Variants in BICC1 observed in about 807,000 individuals in gnomAD.
BICC1 encodes the protein protein bicaudal C homolog 1.
A neutral mutation model predicts 111.0 loss-of-function variants in BICC1; 43 were observed. The observed-to-expected ratio is 0.39, with a 90% CI of 0.30 to 0.50. The LOEUF is 0.50. Ranked by LOEUF, BICC1 falls within the 20% of genes least tolerant of loss-of-function variation. The pLI is 0.88. For synonymous variants in BICC1, 467 were observed against 434.4 expected (o/e 1.07, Z -0.93); for missense variants, 1,091 against 1,203.2 (o/e 0.91, Z 1.38).
intron 1 of BICC1, among the ~76,000 whole-genome samples, chr10:58,541,012 T>C (rs1438250851): frequency 6.6e-6 from 1 of 152,036 alleles, no homozygotes; most frequent in African/African-American, 2.4e-5. Context: ...CACCCTTTCA[T>C]GACAAAACAC....
intron 3 of BICC1, among the ~76,000 whole-genome samples, chr10:58,745,036 C>T (rs1301674062): frequency 6.6e-6 from 1 of 152,156 alleles, no homozygotes; most frequent in Non-Finnish European, 1.5e-5. Context: ...TGTTATGACC[C>T]TGTTCTGCTA....
At chr10:58,560,919 T>A (rs1843586583) in intron 1 of BICC1, among the ~76,000 whole-genome samples, 1 of 152,060 alleles carries the variant, frequency 6.6e-6, no homozygotes, top group African/African-American at 2.4e-5. Context: ...TTTCAATTTT[T>A]AAAAATAGGT....
chr10:58,697,710 TCCA>T (rs1484458922), intron 2 of BICC1, among the ~76,000 whole-genome samples: 3 of 152,150 alleles, frequency 2.0e-5, no homozygotes, highest in Non-Finnish European at 4.4e-5. Context: ...TGCCCTTTCT[TCCA>T]CCCCATGCCA....
chr10:58,817,829 T>C (rs897619446), intron 19 of BICC1, 107 bp downstream of exon 19: 1 of 1,140,332 alleles, frequency 8.8e-7, no homozygotes, highest in African/African-American at 1.6e-5. Flanking sequence ...ACTGAGCATT[T>C]ATTCAAGTCT....
chr10:58,691,136 T>C (rs1210488675), intron 2 of BICC1, among the ~76,000 whole-genome samples: 5 of 152,198 alleles, frequency 3.3e-5, no homozygotes, highest in African/African-American at 1.2e-4. Context: ...TTATTGTTTT[T>C]TTCCTGAGAA....
intron 2 of BICC1, among the ~76,000 whole-genome samples, chr10:58,647,502 A>G (rs1838304701): frequency 6.6e-6 from 1 of 152,220 alleles, no homozygotes. Context: ...AATGCTACTT[A>G]TCTGGAATCC....
intron 2 of BICC1, among the ~76,000 whole-genome samples, chr10:58,687,248 G>A (rs10763579): frequency 0.97 from 147,392 of 152,286 alleles, 71,519 homozygotes; most frequent in Middle Eastern, 1. Context: ...TGTCTCAGAG[G>A]GGCACCCGGC....
chr10:58,792,579 T>C (rs112694015), intron 8 of BICC1, among the ~76,000 whole-genome samples: 1 of 152,130 alleles, frequency 6.6e-6, no homozygotes, highest in African/African-American at 2.4e-5. Flanking sequence ...AAGATTCTCA[T>C]AGGGGCATGA....
chr10:58,642,832 G>A (rs1838164087), intron 2 of BICC1, among the ~76,000 whole-genome samples: 1 of 152,048 alleles, frequency 6.6e-6, no homozygotes, highest in Admixed American at 6.5e-5. Flanking sequence ...AGCCTCCTGA[G>A]TAGCTGGGAC....
At chr10:58,719,070 G>A (rs941333753) in intron 3 of BICC1, among the ~76,000 whole-genome samples, 1 of 151,906 alleles carries the variant, frequency 6.6e-6, no homozygotes, top group African/African-American at 2.4e-5. Context: ...TTTCTACTTT[G>A]TCTCCATTTC....
chr10:58,754,585 A>G (rs1011178820), intron 3 of BICC1, among the ~76,000 whole-genome samples: 3 of 152,274 alleles, frequency 2.0e-5, no homozygotes, highest in Admixed American at 1.3e-4. Context: ...AAGGTTGGCA[A>G]CCTTTGCTCA....
At chr10:58,627,874 A>G (rs1011375081) in intron 2 of BICC1, among the ~76,000 whole-genome samples, 2 of 152,228 alleles carry the variant, frequency 1.3e-5, no homozygotes, top group African/African-American at 4.8e-5. Flanking sequence ...AAAATTAAAA[A>G]TAACCTAAGT....
At chr10:58,561,239 T>C (rs1352600269) in intron 1 of BICC1, among the ~76,000 whole-genome samples, 1 of 152,070 alleles carries the variant, frequency 6.6e-6, no homozygotes, top group East Asian at 1.9e-4. Context: ...CAGTGCTGGG[T>C]GCATATATTT....
chr10:58,583,007 C>T (rs1358606495), intron 1 of BICC1, among the ~76,000 whole-genome samples: 1 of 152,158 alleles, frequency 6.6e-6, no homozygotes, highest in Non-Finnish European at 1.5e-5. Flanking sequence ...ATTCTGCCTA[C>T]CACATGGCTT....
intron 2 of BICC1, among the ~76,000 whole-genome samples, chr10:58,686,250 G>T (rs1334608957): frequency 1.3e-5 from 2 of 152,218 alleles, no homozygotes; most frequent in Non-Finnish European, 2.9e-5. Flanking sequence ...AGTCTGATGG[G>T]ATTCCCTTTG....
intron 3 of BICC1, among the ~76,000 whole-genome samples, chr10:58,741,547 T>C (rs1251051571): frequency 1.3e-5 from 2 of 152,172 alleles, no homozygotes; most frequent in Non-Finnish European, 2.9e-5. Flanking sequence ...AAGAGAGCAA[T>C]ATAGAATGAC....
intron 1 of BICC1, among the ~76,000 whole-genome samples, chr10:58,589,510 C>T (rs935884457): frequency 6.6e-6 from 1 of 150,880 alleles, no homozygotes; most frequent in Non-Finnish European, 1.5e-5. Context: ...CTCACTTTGT[C>T]ACTCAAGCTG....
chr10:58,812,856 A>G (rs2132935817), intron 17 of BICC1, among the ~76,000 whole-genome samples: 1 of 152,268 alleles, frequency 6.6e-6, no homozygotes, highest in African/African-American at 2.4e-5. Flanking sequence ...ACTTTTTGAA[A>G]GGACTTGAGA....
chr10:58,807,186 T>G (rs1843735363), intron 17 of BICC1, 28 bp downstream of exon 17: 2 of 1,586,706 alleles, frequency 1.3e-6, no homozygotes, highest in African/African-American at 2.7e-5. Flanking sequence ...CTACTCATTC[T>G]TCCTGTCTGT....
Sources: allele counts gnomAD v4.1 joint callset (sites outside exome capture counted in the v4.1 genomes callset), GRCh38; gene constraint gnomAD v4.1.1; transcripts MANE v1.5; gene names NCBI Gene and HGNC (gene_info 2026-07-23, HGNC 2026-07-21).